Variants in INPP4A observed in about 807,000 individuals in gnomAD.
INPP4A encodes inositol polyphosphate-4-phosphatase, type I, 107kD.
A neutral mutation model predicts 119.8 loss-of-function variants in INPP4A; 33 were observed. The observed-to-expected ratio is 0.28, with a 90% CI of 0.21 to 0.37. INPP4A has a LOEUF of 0.37. INPP4A is among the 10% of genes least tolerant of loss of function. The pLI is 1.00. For missense variants in INPP4A, 956 were observed against 1,289.9 expected (o/e 0.74, Z 3.97); for synonymous variants, 496 against 500.7 (o/e 0.99, Z 0.12).
chr2:98,461,389 G>A (rs748494855), intron 1 of INPP4A, among the ~76,000 whole-genome samples: 1 of 152,242 alleles, frequency 6.6e-6, no homozygotes, highest in Non-Finnish European at 1.5e-5. Context: ...TGTGGGCCTA[G>A]CTTTGATTCT....
At chr2:98,453,248 C>G (rs1043684784) in intron 1 of INPP4A, among the ~76,000 whole-genome samples, 4 of 152,278 alleles carry the variant, frequency 2.6e-5, no homozygotes, top group Middle Eastern at 6.8e-3. Context: ...TGAGCTCTAA[C>G]CACATTAGCA....
intron 11 of INPP4A, among the ~76,000 whole-genome samples, chr2:98,545,574 A>G (rs1692327044): frequency 6.6e-6 from 1 of 152,234 alleles, no homozygotes. Flanking sequence ...TGGAGTCAGA[A>G]CAGGCAGTCT....
chr2:98,546,915 TGAG>T lies in INPP4A; in HGVS notation c.1163+225_1163+227del, dbSNP rs149911862. Among the ~76,000 whole-genome samples, 2,363 of 152,238 alleles carry T rather than the reference TGAG, an allele frequency of 0.016. 28 individuals carry two copies. Among genetic ancestry groups the T allele is most frequent in the Middle Eastern group, 0.024 (7 of 294 alleles). ...GGATCAATGGTCCTGTCCTGCAAAA[TGAG>T]GAGCAGATTGTGATCCACCTCAGAA... On this transcript the variant is annotated intron_variant, in intron 13 of 24. Transcript: ENST00000409851. The surrounding 1 kb of genome is among the most constrained non-coding windows in gnomAD (Gnocchi z 4.2).
At chr2:98,447,441 C>A (rs1337091352) in intron 1 of INPP4A, among the ~76,000 whole-genome samples, 2 of 152,102 alleles carry the variant, frequency 1.3e-5, no homozygotes, top group African/African-American at 4.8e-5. Flanking sequence ...AACGCCCATG[C>A]AGGCTTGCTT....
rs1695687405 is a variant in INPP4A at position 98,454,160 on chromosome 2, CAG to C, written c.-166+9076_-166+9077del. Among the ~76,000 whole-genome samples, 3 of 152,116 alleles carry C rather than the reference CAG, an allele frequency of 2.0e-5. No individual in the cohort carries two copies. In the South Asian group the frequency reaches 6.2e-4, roughly 31 times the overall value. ...TGGGTCCTTTACCTAACAGGTGGAT[CAG>C]CATATTTCTACATAAGAGAGAGAGA... On this transcript the variant is annotated intron_variant, in intron 1 of 24. Coordinates refer to ENST00000409851, the MANE Select transcript of INPP4A (RefSeq NM_001134225.2).
chr2:98,517,012 C>A (rs1271485246), intron 1 of INPP4A, among the ~76,000 whole-genome samples: 1 of 152,084 alleles, frequency 6.6e-6, no homozygotes. Context: ...CTGTGTACAG[C>A]TCAGTGAATT....
At chr2:98,512,049 T>A (rs1685210137) in intron 1 of INPP4A, among the ~76,000 whole-genome samples, 1 of 152,148 alleles carries the variant, frequency 6.6e-6, no homozygotes, top group Admixed American at 6.5e-5. Context: ...ATGGCTCCAG[T>A]ACAAGCGCTG....
chr2:98,488,871 G>C (rs1395081531), intron 1 of INPP4A, among the ~76,000 whole-genome samples: 2 of 151,830 alleles, frequency 1.3e-5, no homozygotes, highest in South Asian at 4.2e-4. Flanking sequence ...CAAGCACAGA[G>C]GACTGAATGG....
intron 1 of INPP4A, among the ~76,000 whole-genome samples, chr2:98,504,583 G>T (rs924230830): frequency 1.1e-4 from 16 of 152,202 alleles, no homozygotes; most frequent in Non-Finnish European, 1.8e-4. Flanking sequence ...CTGGCTTACT[G>T]CCTGGTTTCT....
At chr2:98,514,383 G>A (rs1685708199) in intron 1 of INPP4A, among the ~76,000 whole-genome samples, 1 of 152,102 alleles carries the variant, frequency 6.6e-6, no homozygotes, top group Admixed American at 6.5e-5. Flanking sequence ...ATGCTAATGA[G>A]AGAATCTCTG....
At position 98,539,552 on chromosome 2, in the gene INPP4A, T is replaced by C; in HGVS notation, c.695T>C (p.Met232Thr). Residue 232 changes from methionine (M) to threonine (T), a missense_variant, in exon 10 of 25, where the codon ATG becomes ACG. Met to Thr is a moderately conservative substitution (Grantham distance 81). Coordinates refer to ENST00000409851, the MANE Select transcript of INPP4A (RefSeq NM_001134225.2). ...KSVFGGAICR[M>T]YRFPTTDGNH... ...GTGTTCGGTGGTGCCATCTGCCGCA[T>C]GTACCGGTTTCCAACCACTGATGGT... is the stretch of plus-strand genomic sequence containing the variant. 1.2e-6 allele frequency: 2 copies of C among 1,611,628 alleles called. No homozygotes were observed. The highest frequency in any genetic ancestry group is 1.7e-5 in the Admixed American group (1 of 59,870).
At chr2:98,513,783 C>G (rs1448185697) in intron 1 of INPP4A, among the ~76,000 whole-genome samples, 1 of 152,254 alleles carries the variant, frequency 6.6e-6, no homozygotes, top group African/African-American at 2.4e-5. Context: ...TGCTGCCCCT[C>G]CCTGTCACCG....
At chr2:98,551,540 G>T (rs1469149285) in intron 13 of INPP4A, among the ~76,000 whole-genome samples, 3 of 152,204 alleles carry the variant, frequency 2.0e-5, no homozygotes, top group Non-Finnish European at 4.4e-5. Context: ...CAAGGGAAGG[G>T]GTAGTGGTGG....
At chr2:98,464,678 G>A (rs539602092) in intron 1 of INPP4A, among the ~76,000 whole-genome samples, 1 of 152,312 alleles carries the variant, frequency 6.6e-6, no homozygotes, top group South Asian at 2.1e-4. Context: ...GTTTCTGCAA[G>A]GTAAGATGGC....
At position 98,565,930 on chromosome 2, in the gene INPP4A, G is replaced by T. The variant is rs112939987; in HGVS notation, c.2280-99G>T. The T allele has an allele frequency of 9.1e-4, 1,370 of 1,505,230 alleles. 12 individuals carry two copies. The African/African-American group carries it at 0.017, about 19-fold the overall frequency. 93.2% of individuals were successfully genotyped at this position (1,505,230 alleles called of 1,614,324 possible). A position where few individuals can be genotyped will look rare whatever the true frequency, so the allele number is the denominator to read the frequency against. ...CTCCCTTAAAGGTCTGTGGTTGGCA[G>T]TTTGGCCATCACTAAGCCAGAGGGC... On this transcript the variant is annotated intron_variant, in intron 20 of 24. Transcript: ENST00000409851.
chr2:98,542,813 C>G (rs1053746501), intron 10 of INPP4A, among the ~76,000 whole-genome samples: 3 of 152,022 alleles, frequency 2.0e-5, no homozygotes, highest in Admixed American at 2.0e-4. Flanking sequence ...CTCCTCTTCC[C>G]CCTTCCCCCT....
At chr2:98,542,856 A>G (rs1238622356) in intron 10 of INPP4A, among the ~76,000 whole-genome samples, 1 of 151,166 alleles carries the variant, frequency 6.6e-6, no homozygotes, top group Non-Finnish European at 1.5e-5. Context: ...AAGCACACAC[A>G]TAAAGACAAG....
At chr2:98,493,006 C>T (rs994592801) in intron 1 of INPP4A, among the ~76,000 whole-genome samples, 4 of 152,202 alleles carry the variant, frequency 2.6e-5, no homozygotes, top group African/African-American at 9.7e-5. Context: ...TGGTTTTATC[C>T]TGGAGCTTCA....
intron 23 of INPP4A, among the ~76,000 whole-genome samples, chr2:98,573,775 G>A (rs1475431075): frequency 1.3e-5 from 2 of 152,336 alleles, no homozygotes; most frequent in African/African-American, 4.8e-5. Context: ...GTGCATGGCC[G>A]CCACTTCGGG....
Sources: allele counts gnomAD v4.1 joint callset (sites outside exome capture counted in the v4.1 genomes callset), GRCh38; gene constraint gnomAD v4.1.1; non-coding constraint Gnocchi (gnomAD v3.1); transcripts MANE v1.5; gene names NCBI Gene and HGNC (gene_info 2026-07-23, HGNC 2026-07-21).